CACNG2: variants seen among roughly 807,000 people sequenced by gnomAD.
The protein encoded by CACNG2 is calcium voltage-gated channel auxiliary subunit gamma 2, also known as voltage-dependent calcium channel gamma-2 subunit.
CACNG2 carries 3 observed loss-of-function variants against 25.9 expected under a neutral mutation model. That is an observed-to-expected ratio of 0.12 (90% CI 0.05 to 0.30). CACNG2 has a LOEUF of 0.30. Among genes scored for constraint, CACNG2 ranks in the 10% least tolerant of loss-of-function variants. The probability of loss-of-function intolerance (pLI) is 1.00; values close to 1 mark genes in which losing one functional copy is unlikely to be tolerated. For missense variants in CACNG2, 341 were observed against 432.5 expected (o/e 0.79, Z 1.88); for synonymous variants, 167 against 173.3 (o/e 0.96, Z 0.29).
At chr22:36,667,201 C>A (rs1936887109) in intron 1 of CACNG2, among the ~76,000 whole-genome samples, 1 of 152,146 alleles carries the variant, frequency 6.6e-6, no homozygotes, top group Admixed American at 6.6e-5. Flanking sequence ...AAACTTCTGA[C>A]CTCGGCCTTC....
chr22:36,652,287 G>A (rs1936630028), intron 1 of CACNG2, among the ~76,000 whole-genome samples: 1 of 152,034 alleles, frequency 6.6e-6, no homozygotes, highest in African/African-American at 2.4e-5. Context: ...GCATGCCCAT[G>A]TGTTCCCCCG....
intron 1 of CACNG2, among the ~76,000 whole-genome samples, chr22:36,694,542 C>A (rs549987726): frequency 5.3e-4 from 80 of 152,300 alleles, no homozygotes; most frequent in Non-Finnish European, 9.6e-4. Flanking sequence ...CAGCTGAAAT[C>A]CTCGATAATT....
intron 1 of CACNG2, among the ~76,000 whole-genome samples, chr22:36,662,955 G>A (rs1936820907): frequency 6.6e-6 from 1 of 151,854 alleles, no homozygotes; most frequent in Non-Finnish European, 1.5e-5. Context: ...GTATCACTGG[G>A]GCCCTGCACC....
chr22:36,611,351 T>C (rs1935936076), intron 1 of CACNG2, among the ~76,000 whole-genome samples: 1 of 152,170 alleles, frequency 6.6e-6, no homozygotes, highest in Non-Finnish European at 1.5e-5. Flanking sequence ...CACAGAATGA[T>C]GCAAATGAAC....
At chr22:36,569,859 C>T (rs1935194936) in intron 2 of CACNG2, among the ~76,000 whole-genome samples, 2 of 152,086 alleles carry the variant, frequency 1.3e-5, no homozygotes, top group Non-Finnish European at 2.9e-5. Flanking sequence ...TTTCTAATAG[C>T]TCTGCCCTTT....
chr22:36,564,269 G>A lies in CACNG2; in HGVS notation c.*82C>T. 3 of 1,268,638 alleles carry A rather than the reference G, an allele frequency of 2.4e-6. No homozygotes were observed. The highest frequency in any genetic ancestry group is 2.6e-5 in the East Asian group (1 of 38,938). The allele number at this position is 1,268,638 out of a possible 1,614,324, so 78.6% of individuals were successfully genotyped here. Reference sequence around the variant, plus strand: ...TTTTGCTTTTGGAAGGTCTCCCAGCGGAGGGTCTGGGTCTCCCCGCCCCGC... The same window carrying A: ...TTTTGCTTTTGGAAGGTCTCCCAGCAGAGGGTCTGGGTCTCCCCGCCCCGC... On this transcript the variant is annotated 3_prime_UTR_variant, in exon 4 of 4. Transcript: ENST00000300105. This position sits in a 1 kb window ranked among gnomAD's most constrained non-coding sequence, Gnocchi z 6.7.
intron 1 of CACNG2, among the ~76,000 whole-genome samples, chr22:36,614,213 C>A (rs897414155): frequency 2.0e-5 from 3 of 152,128 alleles, no homozygotes; most frequent in Non-Finnish European, 4.4e-5. Context: ...GTCCCAGGAC[C>A]CACCACGCTC....
At chr22:36,578,561 T>C (rs1198165349) in intron 2 of CACNG2, among the ~76,000 whole-genome samples, 1 of 152,126 alleles carries the variant, frequency 6.6e-6, no homozygotes, top group African/African-American at 2.4e-5. Flanking sequence ...CCTTTTATTC[T>C]AAGTAACAAC....
chr22:36,698,547 A>C (rs576966560), intron 1 of CACNG2, among the ~76,000 whole-genome samples: 29 of 152,224 alleles, frequency 1.9e-4, no homozygotes, highest in African/African-American at 6.3e-4. Flanking sequence ...GCAGGCCATC[A>C]TGACTTGGAA....
chr22:36,618,535 T>C (rs914113315), intron 1 of CACNG2, among the ~76,000 whole-genome samples: 1 of 152,212 alleles, frequency 6.6e-6, no homozygotes, highest in Non-Finnish European at 1.5e-5. Flanking sequence ...CAGGCAAGAA[T>C]TGATGATATT....
intron 2 of CACNG2, among the ~76,000 whole-genome samples, chr22:36,566,896 C>T (rs1935136683): frequency 6.6e-6 from 1 of 152,248 alleles, no homozygotes; most frequent in African/African-American, 2.4e-5. Context: ...CTATTCTTCA[C>T]TCAGCAAACT....
intron 2 of CACNG2, chr22:36,585,209 T>C (rs9622423): frequency 0.22 from 33,255 of 152,094 alleles, 4,473 homozygotes; most frequent in South Asian, 0.3. Context: ...AAGCTCATAG[T>C]CTCTTGGGGA....
intron 1 of CACNG2, among the ~76,000 whole-genome samples, chr22:36,697,394 G>T (rs1267798788): frequency 6.6e-6 from 1 of 152,186 alleles, no homozygotes; most frequent in Non-Finnish European, 1.5e-5. Context: ...TAAGCGGGAG[G>T]CCACCGTGGC....
At chr22:36,596,129 G>A (rs1935674724) in intron 1 of CACNG2, among the ~76,000 whole-genome samples, 1 of 152,236 alleles carries the variant, frequency 6.6e-6, no homozygotes, top group Non-Finnish European at 1.5e-5. Context: ...AGCCAGGAGG[G>A]GACACGGTGG....
intron 1 of CACNG2, among the ~76,000 whole-genome samples, chr22:36,678,299 T>G (rs1271086060): frequency 1.3e-4 from 20 of 152,168 alleles, no homozygotes; most frequent in Non-Finnish European, 1.5e-5. Flanking sequence ...CTATTTTCAG[T>G]CTAATGTTAC....
intron 2 of CACNG2, 81 bp from the exon 3 acceptor site, chr22:36,566,574 C>A (rs1935131231): frequency 2.7e-6 from 4 of 1,473,486 alleles, no homozygotes; most frequent in Non-Finnish European, 3.8e-6. Flanking sequence ...GGGAGAGCAG[C>A]CCCGAGGCGC....
intron 1 of CACNG2, among the ~76,000 whole-genome samples, chr22:36,695,765 A>G (rs1937331217): frequency 6.6e-6 from 1 of 152,136 alleles, no homozygotes; most frequent in South Asian, 2.1e-4. Flanking sequence ...ATTTATATAC[A>G]TGTGAGATTA....
rs572399616 is a variant in CACNG2, at chr22:36,685,976, C to T, written c.211+16390G>A. Reference sequence around the variant, plus strand: ...TGTGCCAGGCACTGTGCCGGACAGCCGGTCACAGAGGTAAATGTGACACCA... The same window carrying T: ...TGTGCCAGGCACTGTGCCGGACAGCTGGTCACAGAGGTAAATGTGACACCA... On this transcript the variant is annotated intron_variant, in intron 1 of 3. Transcript: ENST00000300105. Among the ~76,000 whole-genome samples, 96 of 152,310 alleles carry T rather than the reference C, an allele frequency of 6.3e-4. 2 individuals are homozygous for T. The South Asian group carries it at 0.017, about 27-fold the overall frequency.
At chr22:36,695,392 G>C (rs1355148849) in intron 1 of CACNG2, among the ~76,000 whole-genome samples, 2 of 151,958 alleles carry the variant, frequency 1.3e-5, no homozygotes, top group Non-Finnish European at 2.9e-5. Context: ...AAACATAACA[G>C]AACAGTACCC....
Sources: allele counts gnomAD v4.1 joint callset (sites outside exome capture counted in the v4.1 genomes callset), GRCh38; gene constraint gnomAD v4.1.1; non-coding constraint Gnocchi (gnomAD v3.1); transcripts MANE v1.5; gene names NCBI Gene and HGNC (gene_info 2026-07-23, HGNC 2026-07-21).